The following CLCN3 variants were observed in gnomAD, a reference collection of about 807,000 sequenced individuals.
CLCN3 encodes the protein H(+)/Cl(-) exchange transporter 3.
CLCN3 carries 16 observed loss-of-function variants against 83.4 expected under a neutral mutation model. The observed-to-expected ratio is 0.19, with a 90% CI of 0.13 to 0.29. The LOEUF (loss-of-function observed/expected upper bound fraction) is 0.29, where lower values mean the gene tolerates loss of function less well. CLCN3 is among the 10% of genes least tolerant of loss of function. CLCN3 has a pLI of 1.00. For synonymous variants in CLCN3, 322 were observed against 346.2 expected, an observed-to-expected ratio of 0.93 and a Z score of 0.78; for missense variants, 544 against 1,006.0, an observed-to-expected ratio of 0.54 and a Z score of 6.21.
At position 169,713,227 on chromosome 4, in the gene CLCN3, C is replaced by T; in HGVS notation, c.2298C>T (p.Thr766=). ...DMSPFTVTDH[T]PMEIVVDIFR... is the part of the protein sequence containing the mutation. ...GCCCTTTTACAGTGACAGACCACAC[C>T]CCAATGGAGATCGTGGTGGATATTT... Residue 766 remains threonine (T), a synonymous_variant, in exon 12 of 13, where the codon ACC becomes ACT. Coordinates refer to ENST00000513761, the MANE Select transcript of CLCN3 (RefSeq NM_001829.4). 1.2e-6 allele frequency: 2 copies of T among 1,614,022 alleles called. No homozygotes were observed. The highest frequency in any genetic ancestry group is 8.5e-7 in the Non-Finnish European group (1 of 1,179,948).
chr4:169,703,009 G>A (rs1404852687), intron 9 of CLCN3, among the ~76,000 whole-genome samples: 2 of 152,198 alleles, frequency 1.3e-5, no homozygotes. Flanking sequence ...CAGCCAGTTA[G>A]TGGAGCAGTC....
chr4:169,641,616 T>C (rs1277995634), intron 2 of CLCN3, among the ~76,000 whole-genome samples: 4 of 152,230 alleles, frequency 2.6e-5, no homozygotes, highest in African/African-American at 9.6e-5. Flanking sequence ...TCTGGTATTC[T>C]TCTGGGTGGC....
chr4:169,697,226 C>T lies in CLCN3; in HGVS notation c.1055C>T (p.Ser352Leu). The T allele has an allele frequency of 6.3e-7, 1 of 1,596,798 alleles. No homozygotes were observed. The change falls in exon 9 of 13, where the codon TCA becomes TTA. Residue 352 changes from serine to leucine, a missense_variant. Ser to Leu is a moderately radical substitution (Grantham distance 145). Coordinates refer to ENST00000513761, the MANE Select transcript of CLCN3 (RefSeq NM_001829.4). ...TTTCCTCTCAAAACTTTATGGAGAT[C>T]ATTTTTTGCTGCTTTAGTGGCTGCA... The part of the protein sequence containing the change: ...YYFPLKTLWR[S>L]FFAALVAAFV...
rs776486775 is a variant in CLCN3, at chr4:169,680,117, T to A, written c.228T>A (p.Asp76Glu). The part of the protein sequence containing the change: ...NSSTHLLDLL[D>E]EPIPGVGTYD... The stretch of plus-strand genomic sequence containing the variant: ...CTACACATTTACTGGATCTTTTGGA[T>A]GAACCAATTCCAGGTGTTGGTACAT... The change falls in exon 3 of 13, where the codon GAT (aspartate) becomes GAA (glutamate). Residue 76 changes from aspartate to glutamate, a missense_variant. This residue lies in a region of CLCN3 where 77 missense variants were observed against 92.8 expected (regional missense o/e 0.83). Coordinates refer to ENST00000513761, the MANE Select transcript of CLCN3 (RefSeq NM_001829.4). 2 of 1,612,212 alleles carry A rather than the reference T, an allele frequency of 1.2e-6. No homozygotes were observed. Among genetic ancestry groups the A allele is most frequent in the East Asian group, 4.5e-5 (2 of 44,862 alleles).
chr4:169,697,486 G>T lies in CLCN3; in HGVS notation c.1315G>T (p.Ala439Ser). The T allele has an allele frequency of 6.2e-7, 1 of 1,614,174 alleles. No homozygotes were observed. Among genetic ancestry groups the T allele is most frequent in the Non-Finnish European group, 8.5e-7 (1 of 1,180,028 alleles). Reference protein sequence around the residue: ...LEVIIVAAITAVIAFPNPYTR... With the variant: ...LEVIIVAAITSVIAFPNPYTR... ...AGTCATTATTGTTGCAGCCATTACT[G>T]CTGTGATAGCCTTCCCTAATCCATA... Residue 439 changes from alanine (A) to serine (S), a missense_variant, in exon 9 of 13, where the codon GCT (alanine) becomes TCT (serine). This residue lies in a region of CLCN3 where 194 missense variants were observed against 341.4 expected (regional missense o/e 0.57). Transcript: ENST00000513761.
chr4:169,671,736 C>G (rs764992197), intron 2 of CLCN3, among the ~76,000 whole-genome samples: 5 of 152,130 alleles, frequency 3.3e-5, no homozygotes, highest in Non-Finnish European at 7.3e-5. Flanking sequence ...ATGGATGTCT[C>G]TGACTGAATT....
intron 9 of CLCN3, among the ~76,000 whole-genome samples, chr4:169,703,711 A>G (rs1439015916): frequency 6.7e-6 from 1 of 149,694 alleles, no homozygotes; most frequent in East Asian, 2.0e-4. Flanking sequence ...ACTAATGAAA[A>G]TTTTGTTAGG....
chr4:169,717,429 A>G (rs1560878391), intron 12 of CLCN3, among the ~76,000 whole-genome samples: 2 of 152,172 alleles, frequency 1.3e-5, no homozygotes, highest in Non-Finnish European at 2.9e-5. Context: ...TCCTCTGAGG[A>G]AAGAACATTG....
At chr4:169,675,152 C>A (rs1731628312) in intron 2 of CLCN3, among the ~76,000 whole-genome samples, 1 of 152,184 alleles carries the variant, frequency 6.6e-6, no homozygotes, top group African/African-American at 2.4e-5. Flanking sequence ...ATATTAGCGC[C>A]TTCTATATTC....
chr4:169,634,610 A>G (rs898533368), intron 1 of CLCN3, among the ~76,000 whole-genome samples: 5 of 152,214 alleles, frequency 3.3e-5, no homozygotes, highest in African/African-American at 1.2e-4. Flanking sequence ...ACATTCATAA[A>G]GTTGCAAAGC....
chr4:169,719,868 C>T (rs756772735), intron 12 of CLCN3, 39 bp from the exon 13 acceptor site: 2 of 1,524,320 alleles, frequency 1.3e-6, no homozygotes, highest in African/African-American at 2.8e-5. Context: ...TTTTATTTTC[C>T]CTTTTATTTC....
intron 9 of CLCN3, among the ~76,000 whole-genome samples, chr4:169,703,664 C>CTTTTTTTTTTTTTTTT (rs112073521): frequency 7.0e-6 from 1 of 142,376 alleles, no homozygotes; most frequent in African/African-American, 2.6e-5. Context: ...GCATATTGTC[C>CTTTTTTTTTTTTTTTT]TTTTTTTTTT....
intron 3 of CLCN3, among the ~76,000 whole-genome samples, chr4:169,681,032 G>A (rs1399730041): frequency 6.6e-6 from 1 of 151,884 alleles, no homozygotes; most frequent in Non-Finnish European, 1.5e-5. Context: ...TACAAAATAC[G>A]TTTTTTAAAA....
At position 169,697,694 on chromosome 4, in the gene CLCN3, T is replaced by C. The variant is rs146667280; in HGVS notation, c.1523T>C (p.Ile508Thr). The change falls in exon 9 of 13, where the codon ATA (isoleucine) becomes ACA (threonine). Residue 508 changes from isoleucine to threonine, a missense_variant. By Grantham distance (89) the Ile-to-Thr change is moderately conservative. Transcript: ENST00000513761. ...ATATGGCAGTTATGCCTGGCACTCATATTTAAAATCATAATGACAGTATTC... is the reference window on the plus strand; with the variant it reads ...ATATGGCAGTTATGCCTGGCACTCACATTTAAAATCATAATGACAGTATTC... ...SAIWQLCLAL[I>T]FKIIMTVFTF... 15 of 1,612,758 alleles carry C rather than the reference T, an allele frequency of 9.3e-6. No homozygotes were observed. Among genetic ancestry groups the C allele is most frequent in the Non-Finnish European group, 1.3e-5 (15 of 1,179,596 alleles).
At chr4:169,704,738 C>G (rs1211556186) in intron 10 of CLCN3, among the ~76,000 whole-genome samples, 3 of 152,122 alleles carry the variant, frequency 2.0e-5, no homozygotes, top group African/African-American at 7.2e-5. Context: ...GTACTTGAGT[C>G]TATTTAATGT....
intron 1 of CLCN3, among the ~76,000 whole-genome samples, chr4:169,626,253 G>A (rs1020293997): frequency 8.5e-5 from 13 of 152,204 alleles, no homozygotes; most frequent in African/African-American, 3.1e-4. Flanking sequence ...GGGGAGATAG[G>A]GGAAAGAGCA....
rs1560875896 is a variant in CLCN3, at chr4:169,713,062, CT to C, written c.2150-15del. 6.2e-7 allele frequency: 1 copy of C among 1,604,356 alleles called. No individual in the cohort carries two copies. The highest frequency in any genetic ancestry group is 2.2e-5 in the East Asian group (1 of 44,808). On this transcript the variant is annotated splice_polypyrimidine_tract_variant and intron_variant, in intron 11 of 12. Transcript: ENST00000513761. ...TCTATCAGTTTAAAAGTGTTGGTCT[CT>C]TCTCTCTCTTTTCAGAAAGTGCCAG...
chr4:169,655,783 G>A (rs930404056), intron 2 of CLCN3, among the ~76,000 whole-genome samples: 2 of 152,170 alleles, frequency 1.3e-5, no homozygotes, highest in African/African-American at 4.8e-5. Flanking sequence ...GGGATTATAG[G>A]CATGAGCCGC....
intron 2 of CLCN3, among the ~76,000 whole-genome samples, chr4:169,641,593 G>A (rs1455040271): frequency 2.0e-5 from 3 of 152,048 alleles, no homozygotes; most frequent in Non-Finnish European, 2.9e-5. Context: ...CAAAATATTT[G>A]TAAGTTTATT....
Sources: gnomAD v4.1 joint callset for allele counts (sites outside exome capture counted in the v4.1 genomes callset) on GRCh38, gnomAD v4.1.1 for gene constraint, gnomAD v4.1.1 regional missense constraint, MANE v1.5 for transcripts, NCBI Gene and HGNC (gene_info 2026-07-23, HGNC 2026-07-21) for gene names.